The following CGNL1 variants were observed in gnomAD, a reference collection of about 807,000 sequenced individuals.
The protein encoded by CGNL1 is cingulin like 1, also known as cingulin-like protein 1.
In CGNL1, 132 loss-of-function variants were observed where a neutral mutation model predicts 141.2. The ratio of observed to expected loss-of-function variants is 0.93; its 90% confidence interval spans 0.81 to 1.08. CGNL1 has a LOEUF of 1.08. CGNL1 is among the 50% of genes least tolerant of loss of function. CGNL1 has a pLI of 0.00. For missense variants in CGNL1, 1,870 were observed against 1,588.6 expected (o/e 1.18, Z -3.01); for synonymous variants, 690 against 622.1 (o/e 1.11, Z -1.63).
Position 57,546,062 on chromosome 15 carries a change from C to G in CGNL1, c.3610-14C>G. On this transcript the variant is annotated splice_polypyrimidine_tract_variant and intron_variant, in intron 17 of 18. Transcript: ENST00000281282. ...CATCAGCCGGCACTCAGCCCACATT[C>G]TCTCCCGGTGCAGCTGAGCTTGCGT... is the stretch of plus-strand genomic sequence containing the variant. The G allele has an allele frequency of 1.9e-6, 3 of 1,608,660 alleles. No homozygotes were observed. Among genetic ancestry groups the G allele is most frequent in the Middle Eastern group, 3.7e-4 (2 of 5,436 alleles).
At chr15:57,454,540 C>T (rs774565719) in intron 7 of CGNL1, among the ~76,000 whole-genome samples, 133 of 152,272 alleles carry the variant, frequency 8.7e-4, no homozygotes, top group Non-Finnish European at 1.7e-3. Context: ...CTTTTTAGAA[C>T]TTAGCCTTTC....
chr15:57,446,816 T>C (rs1356345466), intron 4 of CGNL1, among the ~76,000 whole-genome samples: 3 of 152,166 alleles, frequency 2.0e-5, no homozygotes, highest in Admixed American at 1.3e-4. Flanking sequence ...TTTACACTCC[T>C]GGTAGTGCAG....
chr15:57,502,226 G>C (rs1440161148), intron 8 of CGNL1, among the ~76,000 whole-genome samples: 1 of 152,152 alleles, frequency 6.6e-6, no homozygotes, highest in African/African-American at 2.4e-5. Flanking sequence ...CTCTCGTTTG[G>C]AGGAAGGACA....
At chr15:57,468,876 G>C (rs2063544856) in intron 8 of CGNL1, among the ~76,000 whole-genome samples, 1 of 152,172 alleles carries the variant, frequency 6.6e-6, no homozygotes, top group Admixed American at 6.5e-5. Flanking sequence ...TTTTATCAGG[G>C]ATTTCCGCTT....
chr15:57,502,221 G>A (rs530046649), intron 8 of CGNL1, among the ~76,000 whole-genome samples: 4 of 152,282 alleles, frequency 2.6e-5, no homozygotes, highest in East Asian at 1.9e-4. Context: ...GAAGGCTCTC[G>A]TTTGGAGGAA....
chr15:57,411,303 G>T (rs747198323), intron 1 of CGNL1, among the ~76,000 whole-genome samples: 1 of 152,126 alleles, frequency 6.6e-6, no homozygotes, highest in African/African-American at 2.4e-5. Context: ...TCACTTGGAC[G>T]TTCTCTTGTA....
At chr15:57,415,980 TC>T (rs2062844108) in intron 1 of CGNL1, among the ~76,000 whole-genome samples, 1 of 152,204 alleles carries the variant, frequency 6.6e-6, no homozygotes, top group African/African-American at 2.4e-5. Flanking sequence ...CTCTGGGGCC[TC>T]CGTGTTGTGA....
At chr15:57,466,585 C>T (rs1459725410) in intron 8 of CGNL1, among the ~76,000 whole-genome samples, 1 of 152,090 alleles carries the variant, frequency 6.6e-6, no homozygotes, top group African/African-American at 2.4e-5. Context: ...TCTTCCCTGC[C>T]GTACTAGGTA....
intron 8 of CGNL1, among the ~76,000 whole-genome samples, chr15:57,466,345 G>C (rs532786437): frequency 2.5e-4 from 38 of 152,152 alleles, no homozygotes; most frequent in Non-Finnish European, 4.0e-4. Flanking sequence ...ACTGCCATCT[G>C]GGAGTAAAAT....
Position 57,543,804 on chromosome 15 carries a change from G to GC in CGNL1, c.3375+32dup, listed in dbSNP as rs568577325. On this transcript the variant is annotated intron_variant, in intron 15 of 18. Coordinates refer to ENST00000281282, the MANE Select transcript of CGNL1 (RefSeq NM_032866.5). ...GGTGAGGGCAGCCAGCCTGTGAGCTGCCCCCCCGTCCATCCGCTAACCCTC... is the reference window on the plus strand; with the variant it reads ...GGTGAGGGCAGCCAGCCTGTGAGCTGCCCCCCCCGTCCATCCGCTAACCCTC... 8.2e-4 allele frequency: 1,299 copies of GC among 1,579,290 alleles called. 2 individuals are homozygous for GC. Among genetic ancestry groups the GC allele is most frequent in the Admixed American group, 9.7e-4 (58 of 59,760 alleles).
chr15:57,413,223 C>CTCTCTTCCTCTCTTCT (rs1463109067), intron 1 of CGNL1, among the ~76,000 whole-genome samples: 2 of 147,970 alleles, frequency 1.4e-5, no homozygotes, highest in African/African-American at 5.0e-5. Context: ...TCCTCTCTTC[C>CTCTCTTCCTCTCTTCT]TCCCTCCCTC....
chr15:57,538,556 G>T (rs1350463894), intron 14 of CGNL1, among the ~76,000 whole-genome samples: 1 of 152,182 alleles, frequency 6.6e-6, no homozygotes, highest in East Asian at 1.9e-4. Flanking sequence ...GACCCTTGGG[G>T]ATGCTGCCAT....
chr15:57,537,951 T>C lies in CGNL1; in HGVS notation c.3292-5745T>C, dbSNP rs114775342. On this transcript the variant is annotated intron_variant, in intron 14 of 18. Transcript: ENST00000281282. ...AGAAATACTTTCCCAGCCTTGAGTT[T>C]ACTCTTCTCTGGTCCAGGAGGCTGG... Among the ~76,000 whole-genome samples the C allele has an allele frequency of 4.1e-3, 619 of 152,382 alleles. 4 individuals carry two copies. The highest frequency in any genetic ancestry group is 0.014 in the African/African-American group (602 of 41,592).
chr15:57,486,763 G>A (rs2063790645), intron 8 of CGNL1, among the ~76,000 whole-genome samples: 1 of 152,168 alleles, frequency 6.6e-6, no homozygotes, highest in South Asian at 2.1e-4. Context: ...GGCATCTGTG[G>A]GACACCCAAA....
At chr15:57,424,298 G>A (rs1213566858) in intron 1 of CGNL1, among the ~76,000 whole-genome samples, 2 of 152,114 alleles carry the variant, frequency 1.3e-5, no homozygotes, top group Admixed American at 6.5e-5. Context: ...CCCAGCGAGG[G>A]CTTCCTTAAC....
chr15:57,407,674 T>A (rs1447673485), intron 1 of CGNL1, among the ~76,000 whole-genome samples: 1 of 151,898 alleles, frequency 6.6e-6, no homozygotes, highest in Non-Finnish European at 1.5e-5. Context: ...AGACCCTGTC[T>A]CAGAAAAAAG....
At chr15:57,536,397 A>T (rs1172962619) in intron 14 of CGNL1, among the ~76,000 whole-genome samples, 1 of 152,212 alleles carries the variant, frequency 6.6e-6, no homozygotes, top group Non-Finnish European at 1.5e-5. Context: ...GGATTCAGGA[A>T]ATCCTAATTG....
At chr15:57,539,025 A>G (rs2032421977) in intron 14 of CGNL1, among the ~76,000 whole-genome samples, 1 of 152,008 alleles carries the variant, frequency 6.6e-6, no homozygotes, top group Non-Finnish European at 1.5e-5. Context: ...TGCCTCGGAG[A>G]GTTCCCGCCC....
At chr15:57,403,545 C>T (rs998779680) in intron 1 of CGNL1, among the ~76,000 whole-genome samples, 2 of 152,180 alleles carry the variant, frequency 1.3e-5, no homozygotes, top group African/African-American at 2.4e-5. Context: ...GTCTGCCCTC[C>T]TGTGTGCCCA....
Sources: gnomAD v4.1 joint callset for allele counts (sites outside exome capture counted in the v4.1 genomes callset) on GRCh38, gnomAD v4.1.1 for gene constraint, MANE v1.5 for transcripts, NCBI Gene and HGNC (gene_info 2026-07-23, HGNC 2026-07-21) for gene names.